The following PLEKHB2 variants were observed in gnomAD, a reference collection of about 807,000 sequenced individuals.
The protein encoded by PLEKHB2 is pleckstrin homology domain containing B2.
In PLEKHB2, 31 loss-of-function variants were observed where a neutral mutation model predicts 36.5. The ratio of observed to expected loss-of-function variants is 0.85; its 90% CI spans 0.64 to 1.15. The LOEUF is 1.15. Among genes scored for constraint, PLEKHB2 ranks in the 50% most tolerant of loss-of-function variants. The pLI is 0.00. For synonymous variants in PLEKHB2, 119 were observed against 112.0 expected, an observed-to-expected ratio of 1.06 and a Z score of -0.39; for missense variants, 262 against 295.3, an observed-to-expected ratio of 0.89 and a Z score of 0.83.
At chr2:131,108,572 G>A (rs1694964675) in intron 1 of PLEKHB2, among the ~76,000 whole-genome samples, 1 of 152,130 alleles carries the variant, frequency 6.6e-6, no homozygotes, top group Non-Finnish European at 1.5e-5. Context: ...GGGCCACATT[G>A]GAAGAAGGCC....
chr2:131,132,940 C>T lies in PLEKHB2; in HGVS notation c.372C>T (p.Ser124=), dbSNP rs200779441. The stretch of plus-strand genomic sequence containing the variant: ...CTGCAGTCATGACCGATGAGACATC[C>T]GTGGTTTCCTCACCTCCACCATACA... The part of the protein sequence containing the change: ...VGSAVMTDET[S]VVSSPPPYTA... Residue 124 remains serine (S), a synonymous_variant, in exon 6 of 8, where the codon TCC becomes TCT. Coordinates refer to ENST00000693505, the MANE Select transcript of PLEKHB2 (RefSeq NM_001100623.2). The T allele has an allele frequency of 6.2e-6, 10 of 1,613,710 alleles. No individual in the cohort carries two copies. The highest frequency in any genetic ancestry group is 3.3e-5 in the Admixed American group (2 of 60,006).
rs1455946989 is a variant in PLEKHB2 at position 131,136,833 on chromosome 2, A to C, written c.424-3334A>C. Among the ~76,000 whole-genome samples, 3 of 151,710 alleles carry C rather than the reference A, an allele frequency of 2.0e-5. 1 individual carries two copies. Among genetic ancestry groups the C allele is most frequent in the Admixed American group, 2.0e-4 (3 of 15,240 alleles). ...GGAGAAATTGTGTAGAATTGGCATT[A>C]ATTCTTCTTTAAAATTTGGTAGAAA... On this transcript the variant is annotated intron_variant, in intron 6 of 7. Coordinates refer to ENST00000693505, the MANE Select transcript of PLEKHB2 (RefSeq NM_001100623.2).
chr2:131,117,879 G>A (rs1042549293), intron 1 of PLEKHB2, among the ~76,000 whole-genome samples: 5 of 152,180 alleles, frequency 3.3e-5, no homozygotes, highest in African/African-American at 4.8e-5. Flanking sequence ...TCTAGGACAA[G>A]GCTGGACACA....
At chr2:131,106,658 T>G (rs1379901426) in intron 1 of PLEKHB2, among the ~76,000 whole-genome samples, 1 of 152,020 alleles carries the variant, frequency 6.6e-6, no homozygotes, top group African/African-American at 2.4e-5. Flanking sequence ...CCTGGGCTGG[T>G]TGGCTGGATA....
chr2:131,121,357 T>TC (rs898392130), intron 2 of PLEKHB2, among the ~76,000 whole-genome samples: 1 of 152,234 alleles, frequency 6.6e-6, no homozygotes, highest in Non-Finnish European at 1.5e-5. Context: ...CAAGTGATTC[T>TC]CCTGCCTCAG....
intron 7 of PLEKHB2, among the ~76,000 whole-genome samples, chr2:131,140,481 G>C (rs866197221): frequency 9.9e-5 from 15 of 152,204 alleles, no homozygotes; most frequent in African/African-American, 3.6e-4. Context: ...TTGATTTTTA[G>C]AACTTGGCTT....
At chr2:131,120,816 A>T (rs1418694630) in intron 1 of PLEKHB2, 118 bp from the exon 2 acceptor site, 1 of 969,984 alleles carries the variant, frequency 1.0e-6, no homozygotes, top group Non-Finnish European at 1.6e-6. Flanking sequence ...GCACTGAGCT[A>T]AAATGGCCTT....
chr2:131,123,783 C>T (rs1489296445), intron 2 of PLEKHB2, among the ~76,000 whole-genome samples: 1 of 107,942 alleles, frequency 9.3e-6, no homozygotes, highest in Admixed American at 8.4e-5. Flanking sequence ...CCACCCCCCC[C>T]CCCGCCCCCC....
intron 7 of PLEKHB2, among the ~76,000 whole-genome samples, chr2:131,143,960 G>A (rs1013236509): frequency 3.3e-5 from 5 of 152,182 alleles, no homozygotes; most frequent in African/African-American, 1.2e-4. Flanking sequence ...GGCAGTACTC[G>A]GAATGCTTGC....
At chr2:131,115,834 CT>C (rs1000724941) in intron 1 of PLEKHB2, among the ~76,000 whole-genome samples, 6 of 152,254 alleles carry the variant, frequency 3.9e-5, no homozygotes, top group Middle Eastern at 3.4e-3. Context: ...CTTCTTGATG[CT>C]TTCTGAAGGC....
At chr2:131,145,823 G>GT (rs1298847424) in intron 7 of PLEKHB2, among the ~76,000 whole-genome samples, 3 of 152,022 alleles carry the variant, frequency 2.0e-5, no homozygotes, top group Non-Finnish European at 4.4e-5. Flanking sequence ...TCTGTGGTTT[G>GT]TTTTTTTGAA....
At chr2:131,129,853 T>G (rs541684966) in intron 4 of PLEKHB2, among the ~76,000 whole-genome samples, 2 of 152,278 alleles carry the variant, frequency 1.3e-5, no homozygotes, top group Non-Finnish European at 2.9e-5. Context: ...ATCTAGTTTT[T>G]TTTGACAATA....
At chr2:131,140,116 C>T in intron 6 of PLEKHB2, 51 bp from the exon 7 acceptor site, 1 of 1,104,958 alleles carries the variant, frequency 9.1e-7, no homozygotes, top group Non-Finnish European at 1.3e-6. Context: ...AATTTTAATA[C>T]ATTACCAGAG....
At chr2:131,124,437 C>T (rs1036140489) in intron 2 of PLEKHB2, among the ~76,000 whole-genome samples, 1 of 152,246 alleles carries the variant, frequency 6.6e-6, no homozygotes, top group African/African-American at 2.4e-5. Flanking sequence ...ATGACCGGAG[C>T]TACAACTGGC....
intron 2 of PLEKHB2, among the ~76,000 whole-genome samples, chr2:131,122,883 C>T (rs1041176350): frequency 6.6e-6 from 1 of 152,188 alleles, no homozygotes; most frequent in African/African-American, 2.4e-5. Context: ...TTTGCGGTCT[C>T]AACGTCCCCA....
At chr2:131,133,888 T>C (rs1045503694) in intron 6 of PLEKHB2, among the ~76,000 whole-genome samples, 2 of 151,862 alleles carry the variant, frequency 1.3e-5, no homozygotes, top group African/African-American at 2.4e-5. Context: ...ATAATCCTTT[T>C]TATTGCTGAG....
chr2:131,121,274 A>C (rs1379062104), intron 2 of PLEKHB2, among the ~76,000 whole-genome samples: 2 of 152,050 alleles, frequency 1.3e-5, no homozygotes, highest in African/African-American at 4.8e-5. Flanking sequence ...TTATTTTTTG[A>C]GGCAGAGTTT....
In PLEKHB2 at chr2:131,132,961, A is replaced by G. The variant is rs748035810; in HGVS notation, c.393A>G (p.Pro131=). Residue 131 remains proline, a synonymous_variant, in exon 6 of 8, where the codon CCA becomes CCG. Coordinates refer to ENST00000693505, the MANE Select transcript of PLEKHB2 (RefSeq NM_001100623.2). The stretch of plus-strand genomic sequence containing the variant: ...CATCCGTGGTTTCCTCACCTCCACC[A>G]TACACGGCCTATGCTGCACCGGCCC... The part of the protein sequence containing the change: ...DETSVVSSPP[P]YTAYAAPAPE... 1.3e-5 allele frequency: 21 copies of G among 1,613,836 alleles called. No homozygotes were observed. The East Asian group carries it at 4.2e-4, about 33-fold the overall frequency.
chr2:131,116,464 C>T (rs1158621106), intron 1 of PLEKHB2, among the ~76,000 whole-genome samples: 3 of 152,218 alleles, frequency 2.0e-5, no homozygotes, highest in African/African-American at 7.2e-5. Context: ...AAGAGTTCTG[C>T]AGACTGTACA....
Sources: allele counts gnomAD v4.1 joint callset (sites outside exome capture counted in the v4.1 genomes callset), GRCh38; gene constraint gnomAD v4.1.1; transcripts MANE v1.5; gene names NCBI Gene and HGNC (gene_info 2026-07-23, HGNC 2026-07-21).